NCOR1: variants seen among roughly 807,000 people sequenced by gnomAD.
The protein encoded by NCOR1 is nuclear receptor corepressor 1, also known as protein phosphatase 1, regulatory subunit 109.
NCOR1 carries 63 observed loss-of-function variants against 288.1 expected under a neutral mutation model. The ratio of observed to expected loss-of-function variants is 0.22; its 90% confidence interval spans 0.18 to 0.27. NCOR1 has a LOEUF of 0.27. NCOR1 is among the 10% of genes least tolerant of loss of function. The probability of loss-of-function intolerance (pLI) is 1.00; values close to 1 mark genes in which losing one functional copy is unlikely to be tolerated. For missense variants in NCOR1, 2,397 were observed against 3,019.2 expected, an observed-to-expected ratio of 0.79 and a Z score of 4.83; for synonymous variants, 1,007 against 1,065.9, an observed-to-expected ratio of 0.94 and a Z score of 1.08.
chr17:16,142,494 T>C (rs1336216831), intron 11 of NCOR1, among the ~76,000 whole-genome samples: 1 of 152,144 alleles, frequency 6.6e-6, no homozygotes, highest in Non-Finnish European at 1.5e-5. Context: ...TAGATGGCTT[T>C]TGGAACAATC....
chr17:16,032,365 C>T lies in NCOR1; in HGVS notation c.7254G>A (p.Arg2418=). ...GTGGGGCAGGCTCTCGCTCCCAGAT[C>T]CTGTTCTGTTGGTGAGGAGCTGCTT... ...VNQAAPHQQN[R]IWEREPAPLL... Residue 2418 remains arginine, a synonymous_variant, in exon 46 of 46, where the codon AGG becomes AGA. Transcript: ENST00000268712. The T allele has an allele frequency of 6.2e-7, 1 of 1,614,108 alleles. No individual in the cohort carries two copies. Among genetic ancestry groups the T allele is most frequent in the Non-Finnish European group, 8.5e-7 (1 of 1,180,008 alleles).
chr17:16,040,343 C>A, intron 43 of NCOR1, 98 bp downstream of exon 43: 1 of 981,370 alleles, frequency 1.0e-6, no homozygotes, highest in South Asian at 1.3e-5. Context: ...TTAGAGCAGT[C>A]ACTCCCCTGG....
At chr17:16,120,431 CT>C (rs985957496) in intron 16 of NCOR1, among the ~76,000 whole-genome samples, 17 of 152,048 alleles carry the variant, frequency 1.1e-4, no homozygotes, top group South Asian at 4.2e-4. Context: ...GTTAGTGCCC[CT>C]ATCTCATTCT....
rs570031038 is a variant in NCOR1 at position 16,187,203 on chromosome 17, T to G, written c.109-516A>C. ...TACCTTTCCTTTGTTGGTTGTTGTT[T>G]TTTTTTTTTTGGCAAAAACTTCTTT... On this transcript the variant is annotated intron_variant, in intron 2 of 45. Transcript: ENST00000268712. Among the ~76,000 whole-genome samples, 21 of 151,326 alleles carry G rather than the reference T, an allele frequency of 1.4e-4. No homozygotes were observed. In the South Asian group the frequency reaches 2.5e-3, roughly 18 times the overall value.
chr17:16,033,244 A>G (rs1972702290), intron 45 of NCOR1, among the ~76,000 whole-genome samples: 1 of 149,780 alleles, frequency 6.7e-6, no homozygotes. Flanking sequence ...CTGAGGCAGG[A>G]GAATCGCCTG....
At chr17:16,188,059 A>T (rs1372824285) in intron 2 of NCOR1, among the ~76,000 whole-genome samples, 2 of 152,186 alleles carry the variant, frequency 1.3e-5, no homozygotes, top group Non-Finnish European at 2.9e-5. Context: ...GAAATCAGGT[A>T]GTGGTGATAG....
chr17:16,130,980 C>T (rs2075526373), intron 14 of NCOR1, among the ~76,000 whole-genome samples: 1 of 147,574 alleles, frequency 6.8e-6, no homozygotes, highest in Non-Finnish European at 1.5e-5. Context: ...TAAGCCACCG[C>T]ACCTGGAATT....
intron 23 of NCOR1, among the ~76,000 whole-genome samples, chr17:16,085,183 T>C (rs1598380727): frequency 6.6e-6 from 1 of 152,228 alleles, no homozygotes; most frequent in Non-Finnish European, 1.5e-5. Flanking sequence ...GTGCCCAACA[T>C]TGTTTGTTTT....
chr17:16,103,753 C>T (rs772600617), intron 19 of NCOR1, among the ~76,000 whole-genome samples: 13 of 152,232 alleles, frequency 8.5e-5, no homozygotes, highest in Admixed American at 3.3e-4. Context: ...CACTGGCTCA[C>T]GCCTGTAATC....
chr17:16,080,454 T>A lies in NCOR1; in HGVS notation c.3354A>T (p.Gln1118His). Residue 1118 changes from glutamine (Q) to histidine (H), a missense_variant, in exon 25 of 46, where the codon CAA (glutamine) becomes CAT (histidine). This residue lies in a region of NCOR1 where 1,872 missense variants were observed against 2,187.8 expected (regional missense o/e 0.86). Transcript: ENST00000268712. ...GGGCCCTGACCAACAGACCCTCAGGTTGTGAGTTTTGGCTTCGGGGAGAAA... is the reference window on the plus strand; with the variant it reads ...GGGCCCTGACCAACAGACCCTCAGGATGTGAGTTTTGGCTTCGGGGAGAAA... ...EEFSPRSQNS[Q>H]PEGLLVRAQH... The A allele has an allele frequency of 6.2e-7, 1 of 1,614,180 alleles. No individual in the cohort carries two copies. Among genetic ancestry groups the A allele is most frequent in the Non-Finnish European group, 8.5e-7 (1 of 1,180,024 alleles).
intron 43 of NCOR1, 129 bp downstream of exon 43, chr17:16,040,312 T>C: frequency 1.3e-6 from 1 of 798,476 alleles, no homozygotes; most frequent in East Asian, 2.7e-5. Flanking sequence ...CTTCACTAAA[T>C]TATTTATTTA....
At chr17:16,124,959 A>C (rs1419885402) in intron 15 of NCOR1, among the ~76,000 whole-genome samples, 1 of 152,246 alleles carries the variant, frequency 6.6e-6, no homozygotes, top group Non-Finnish European at 1.5e-5. Context: ...TCCCTTCTGA[A>C]AAGTAATAAT....
At chr17:16,124,603 C>G (rs151245282) in intron 15 of NCOR1, among the ~76,000 whole-genome samples, 16 of 152,166 alleles carry the variant, frequency 1.1e-4, no homozygotes, top group Non-Finnish European at 1.0e-4. Context: ...GTCATGCCCC[C>G]ACTCCTACCA....
At chr17:16,127,586 T>TATATATGTATGTATACATACATATGTGC (rs2074781542) in intron 14 of NCOR1, among the ~76,000 whole-genome samples, 1 of 132,432 alleles carries the variant, frequency 7.6e-6, no homozygotes, top group Non-Finnish European at 1.6e-5. Context: ...TACATATGTG[T>TATATATGTATGTATACATACATATGTGC]ATATATGTAT....
intron 32 of NCOR1, among the ~76,000 whole-genome samples, chr17:16,066,289 T>A (rs1307625846): frequency 6.6e-6 from 1 of 152,142 alleles, no homozygotes; most frequent in East Asian, 1.9e-4. Flanking sequence ...AAAGAATAAA[T>A]GGTGTGGCTG....
intron 1 of NCOR1, among the ~76,000 whole-genome samples, chr17:16,200,878 C>G (rs775097371): frequency 2.0e-5 from 3 of 152,170 alleles, no homozygotes; most frequent in Non-Finnish European, 4.4e-5. Flanking sequence ...CCAAAATCCT[C>G]CAACCTGGGG....
At chr17:16,159,955 G>A (rs943112991) in intron 5 of NCOR1, among the ~76,000 whole-genome samples, 1 of 151,434 alleles carries the variant, frequency 6.6e-6, no homozygotes. Context: ...TCAGCCTCCT[G>A]AGTAGCTGGG....
rs376520817 is a variant in NCOR1 at position 16,067,937 on chromosome 17, C to T, written c.4698G>A (p.Thr1566=). ...AGEVYRSHLP[T]HLDPAMPFHR... Reference sequence around the variant, plus strand: ...GAAAAGGCATGGCTGGATCCAAGTGCGTGGGCAGGTGGCTCCGATAAACCT... The same window carrying T: ...GAAAAGGCATGGCTGGATCCAAGTGTGTGGGCAGGTGGCTCCGATAAACCT... The change falls in exon 32 of 46, where the codon ACG becomes ACA. Residue 1566 remains threonine, a synonymous_variant. Coordinates refer to ENST00000268712, the MANE Select transcript of NCOR1 (RefSeq NM_006311.4). The T allele has an allele frequency of 1.5e-4, 242 of 1,614,118 alleles. No homozygotes were observed. The highest frequency in any genetic ancestry group is 1.9e-4 in the Non-Finnish European group (228 of 1,180,016).
intron 2 of NCOR1, 106 bp from the exon 3 acceptor site, chr17:16,186,793 A>C: frequency 1.0e-6 from 1 of 957,790 alleles, no homozygotes. Context: ...ATGGAAAGAA[A>C]GAGCAATGAC....
Sources: allele counts gnomAD v4.1 joint callset (sites outside exome capture counted in the v4.1 genomes callset), GRCh38; gene constraint gnomAD v4.1.1; regional missense constraint gnomAD v4.1.1; transcripts MANE v1.5; gene names NCBI Gene and HGNC (gene_info 2026-07-23, HGNC 2026-07-21).